CSMD1: variants seen among roughly 807,000 people sequenced by gnomAD.
The protein encoded by CSMD1 is CUB and sushi domain-containing protein 1.
Under a neutral mutation model 417.5 loss-of-function variants are expected in CSMD1, and 213 were observed. The observed-to-expected ratio is 0.51, with a 90% CI of 0.46 to 0.57. The LOEUF (loss-of-function observed/expected upper bound fraction) is 0.57, where lower values mean the gene tolerates loss of function less well. CSMD1 is among the 20% of genes least tolerant of loss of function. The pLI, the probability that CSMD1 is intolerant of heterozygous loss-of-function variation, is 0.00. For synonymous variants in CSMD1, 2,862 were observed against 1,736.8 expected (o/e 1.65, Z -16.11); for missense variants, 6,923 against 4,529.7 (o/e 1.53, Z -15.17).
At chr8:3,309,493 G>T (rs1476052895) in intron 23 of CSMD1, among the ~76,000 whole-genome samples, 1 of 152,012 alleles carries the variant, frequency 6.6e-6, no homozygotes, top group South Asian at 2.1e-4. Context: ...CAGAAATGAA[G>T]ATTTAGCTTC....
Position 4,857,557 on chromosome 8 carries a change from C to T in CSMD1, c.85+136775G>A, listed in dbSNP as rs986916860. Reference sequence around the variant, plus strand: ...AAAAAAGAGAGAAGAATCAAATAGACGCAGTAATAAATGATAAAGGGGATA... The same window carrying T: ...AAAAAAGAGAGAAGAATCAAATAGATGCAGTAATAAATGATAAAGGGGATA... On this transcript the variant is annotated intron_variant, in intron 1 of 69. Transcript: ENST00000635120. 7.2e-5 allele frequency among the ~76,000 whole-genome samples: 11 copies of T among 152,134 alleles called. No homozygotes were observed. The East Asian group carries it at 9.7e-4, about 13-fold the overall frequency.
intron 51 of CSMD1, among the ~76,000 whole-genome samples, chr8:3,021,546 C>G (rs951685663): frequency 6.6e-6 from 1 of 152,158 alleles, no homozygotes; most frequent in Admixed American, 6.5e-5. Flanking sequence ...AAAGTGTGTC[C>G]ACGCTCACAG....
chr8:3,668,758 C>T (rs773130782), intron 7 of CSMD1, among the ~76,000 whole-genome samples: 3 of 152,174 alleles, frequency 2.0e-5, no homozygotes, highest in African/African-American at 7.2e-5. Context: ...AAGACCCATA[C>T]TGAACATCCT....
chr8:4,697,787 A>G (rs1260925261), intron 1 of CSMD1, among the ~76,000 whole-genome samples: 1 of 152,240 alleles, frequency 6.6e-6, no homozygotes, highest in Non-Finnish European at 1.5e-5. Context: ...GTGATAAAAT[A>G]CACACACATT....
rs560943779 is a variant in CSMD1 at position 4,774,522 on chromosome 8, G to A, written c.86-136964C>T. 1.2e-4 allele frequency among the ~76,000 whole-genome samples: 19 copies of A among 152,256 alleles called. No homozygotes were observed. The East Asian group carries it at 2.9e-3, about 23-fold the overall frequency. ...AGGAAATAAAGTACTTTATAAAAAA[G>A]AATATCATCATGTCCAGGCAGACAT... On this transcript the variant is annotated intron_variant, in intron 1 of 69. Coordinates refer to ENST00000635120, the MANE Select transcript of CSMD1 (RefSeq NM_033225.6).
chr8:4,307,695 G>A (rs548756384), intron 3 of CSMD1, among the ~76,000 whole-genome samples: 12 of 152,198 alleles, frequency 7.9e-5, no homozygotes, highest in East Asian at 1.9e-4. Context: ...CTTTGCAAAC[G>A]AACAGCACGA....
At chr8:3,527,923 G>C (rs1432106580) in intron 10 of CSMD1, among the ~76,000 whole-genome samples, 1 of 152,084 alleles carries the variant, frequency 6.6e-6, no homozygotes, top group Non-Finnish European at 1.5e-5. Flanking sequence ...TTGGTTGTAG[G>C]GCAGTTCTGT....
At chr8:4,560,787 C>T (rs1290770582) in intron 2 of CSMD1, among the ~76,000 whole-genome samples, 11 of 152,190 alleles carry the variant, frequency 7.2e-5, no homozygotes, top group African/African-American at 2.4e-5. Context: ...GCACTGTAGC[C>T]TGAAGACTTC....
intron 37 of CSMD1, among the ~76,000 whole-genome samples, chr8:3,177,472 TACATAAAGTG>T (rs1821012945): frequency 1.3e-5 from 2 of 152,200 alleles, no homozygotes; most frequent in South Asian, 4.1e-4. Flanking sequence ...TCTCATATTA[TACATAAAGTG>T]ACATAAGATT....
chr8:3,562,351 G>A (rs567404925), intron 10 of CSMD1, among the ~76,000 whole-genome samples: 4 of 79,238 alleles, frequency 5.0e-5, no homozygotes, highest in South Asian at 3.2e-4. Flanking sequence ...GGTCAGTATT[G>A]CTAATGGGAC....
At chr8:4,802,339 G>A (rs1420019610) in intron 1 of CSMD1, among the ~76,000 whole-genome samples, 2 of 141,814 alleles carry the variant, frequency 1.4e-5, no homozygotes, top group Non-Finnish European at 3.0e-5. Flanking sequence ...CAAGCAAAAT[G>A]AGTGTGTGCG....
intron 3 of CSMD1, among the ~76,000 whole-genome samples, chr8:4,398,702 A>T (rs903756518): frequency 1.3e-5 from 2 of 152,118 alleles, no homozygotes; most frequent in Non-Finnish European, 2.9e-5. Context: ...GCCACTCTGC[A>T]ACATTTAGCT....
chr8:3,828,708 G>C (rs10095435), intron 5 of CSMD1, among the ~76,000 whole-genome samples: 125,416 of 152,052 alleles, frequency 0.82, 51,940 homozygotes, highest in African/African-American at 0.89. Flanking sequence ...GGCCTCCCTA[G>C]TTTGGAGCCT....
At chr8:3,456,975 C>A (rs756502607) in intron 12 of CSMD1, among the ~76,000 whole-genome samples, 2 of 151,734 alleles carry the variant, frequency 1.3e-5, no homozygotes, top group African/African-American at 4.8e-5. Context: ...TGCACTTCCT[C>A]ATCCCATAGC....
At chr8:4,534,687 T>C (rs185698494) in intron 2 of CSMD1, among the ~76,000 whole-genome samples, 27 of 152,232 alleles carry the variant, frequency 1.8e-4, no homozygotes, top group Admixed American at 1.7e-3. Context: ...GAACATGTGG[T>C]ATTTGGTATT....
At chr8:4,018,486 G>A (rs1279726079) in intron 4 of CSMD1, among the ~76,000 whole-genome samples, 1 of 152,142 alleles carries the variant, frequency 6.6e-6, no homozygotes, top group Non-Finnish European at 1.5e-5. Flanking sequence ...CAAGGAGCAG[G>A]TGGAGGAAGG....
chr8:4,733,445 C>T (rs531950136), intron 1 of CSMD1, among the ~76,000 whole-genome samples: 4 of 152,238 alleles, frequency 2.6e-5, no homozygotes, highest in South Asian at 4.2e-4. Context: ...AGGTAGGTGT[C>T]GGAGAAGGAG....
rs535356667 is a variant in CSMD1, at chr8:4,117,540, T to C, written c.416-85441A>G. Among the ~76,000 whole-genome samples the C allele has an allele frequency of 2.0e-4, 30 of 152,338 alleles. No homozygotes were observed. The East Asian group carries it at 5.6e-3, about 28-fold the overall frequency. ...CTCTCTCGGCAGCCTATTATAATAC[T>C]CACTGATTGTGACAGCTAATAGCAG... On this transcript the variant is annotated intron_variant, in intron 3 of 69. Transcript: ENST00000635120.
chr8:4,903,270 A>G (rs1805016876), intron 1 of CSMD1, among the ~76,000 whole-genome samples: 1 of 152,176 alleles, frequency 6.6e-6, no homozygotes, highest in African/African-American at 2.4e-5. Flanking sequence ...CATTCCCTGG[A>G]GTGAATTACA....
Sources: allele counts gnomAD v4.1 joint callset (sites outside exome capture counted in the v4.1 genomes callset), GRCh38; gene constraint gnomAD v4.1.1; transcripts MANE v1.5; gene names NCBI Gene and HGNC (gene_info 2026-07-23, HGNC 2026-07-21).